Variants in MAP3K14 observed in about 807,000 individuals in gnomAD.
The protein encoded by MAP3K14 is NF-kappa-beta-inducing kinase.
Under a neutral mutation model 99.2 loss-of-function variants are expected in MAP3K14, and 16 were observed. The observed-to-expected ratio is 0.16, with a 90% CI of 0.11 to 0.24. MAP3K14 has a LOEUF of 0.24. Among genes scored for constraint, MAP3K14 ranks in the 10% least tolerant of loss-of-function variants. The probability of loss-of-function intolerance (pLI) is 1.00; values close to 1 mark genes in which losing one functional copy is unlikely to be tolerated. For synonymous variants in MAP3K14, 462 were observed against 492.4 expected (o/e 0.94, Z 0.82); for missense variants, 784 against 1,208.7 (o/e 0.65, Z 5.21).
At position 45,267,855 on chromosome 17, in the gene MAP3K14, G is replaced by A; in HGVS notation, c.1973-96C>T. On this transcript the variant is annotated intron_variant, in intron 11 of 15. Transcript: ENST00000344686. The surrounding 1 kb of genome is among the most constrained non-coding windows in gnomAD (Gnocchi z 5.1). Reference sequence around the variant, plus strand: ...CTCTCCTGAGTGCAGAAGGGCTAGAGGCAAACAAAGGGGAGGACACTGCCC... The same window carrying A: ...CTCTCCTGAGTGCAGAAGGGCTAGAAGCAAACAAAGGGGAGGACACTGCCC... The A allele has an allele frequency of 9.6e-7, 1 of 1,039,172 alleles. No individual in the cohort carries two copies. The highest frequency in any genetic ancestry group is 1.4e-6 in the Non-Finnish European group (1 of 699,218). The allele number at this position is 1,039,172 out of a possible 1,614,324, so 64.4% of individuals were successfully genotyped here.
intron 11 of MAP3K14, chr17:45,268,757 C>G (rs1316396817): frequency 6.6e-6 from 1 of 152,218 alleles, no homozygotes; most frequent in Non-Finnish European, 1.5e-5. Flanking sequence ...TACCCTACTC[C>G]CCTCCCACAA....
At chr17:45,316,500 T>G (rs2044534203) in intron 1 of MAP3K14, among the ~76,000 whole-genome samples, 1 of 152,314 alleles carries the variant, frequency 6.6e-6, no homozygotes, top group South Asian at 2.1e-4. Flanking sequence ...CCTTGAGGTG[T>G]GACCTGAGAA....
intron 1 of MAP3K14, among the ~76,000 whole-genome samples, chr17:45,300,508 C>T (rs994674753): frequency 6.6e-6 from 1 of 152,182 alleles, no homozygotes; most frequent in Non-Finnish European, 1.5e-5. Flanking sequence ...CTCTACAACC[C>T]CTTGGCTACT....
intron 1 of MAP3K14, among the ~76,000 whole-genome samples, chr17:45,291,983 T>TGAGA (rs1345262023): frequency 6.6e-6 from 1 of 152,266 alleles, no homozygotes; most frequent in African/African-American, 2.4e-5. Context: ...GAGGACTGAA[T>TGAGA]GAGATGGTGG....
intron 9 of MAP3K14, 62 bp from the exon 10 acceptor site, chr17:45,271,283 G>T: frequency 6.9e-7 from 1 of 1,449,912 alleles, no homozygotes; most frequent in Non-Finnish European, 9.4e-7. Context: ...CCTAGGCAAT[G>T]GCCACCCTGG....
intron 6 of MAP3K14, among the ~76,000 whole-genome samples, chr17:45,277,063 C>A (rs1009501092): frequency 2.1e-5 from 3 of 146,250 alleles, no homozygotes; most frequent in Non-Finnish European, 4.5e-5. Flanking sequence ...CTCCTGGCCT[C>A]ATGATCCGCC....
At chr17:45,310,776 G>A (rs1474135865) in intron 1 of MAP3K14, among the ~76,000 whole-genome samples, 1 of 152,166 alleles carries the variant, frequency 6.6e-6, no homozygotes, top group Non-Finnish European at 1.5e-5. Context: ...TGCCCTAAAG[G>A]TGTGGGCAAC....
chr17:45,312,648 C>T (rs1468478841), intron 1 of MAP3K14, among the ~76,000 whole-genome samples: 1 of 152,140 alleles, frequency 6.6e-6, no homozygotes, highest in Non-Finnish European at 1.5e-5. Flanking sequence ...CTCAAGTGAT[C>T]CTCCCGCCTC....
rs755266960 is a variant in MAP3K14 at position 45,287,073 on chromosome 17, C to T, written c.538-28G>A. The T allele has an allele frequency of 8.1e-6, 13 of 1,606,090 alleles. 1 individual carries two copies. In the Admixed American group the frequency reaches 1.9e-4, roughly 23 times the overall value. On this transcript the variant is annotated intron_variant, in intron 4 of 15. Transcript: ENST00000344686. ...GCGGGGGGAAACACAGCTATCAGCA[C>T]AGAGGGCCAGGGCCCAGGGACAGGC...
intron 6 of MAP3K14, among the ~76,000 whole-genome samples, chr17:45,278,243 A>G (rs1361874838): frequency 6.6e-6 from 1 of 152,128 alleles, no homozygotes; most frequent in East Asian, 1.9e-4. Flanking sequence ...CACCCAGACC[A>G]AAGAGGTGGG....
chr17:45,270,755 G>A (rs1172773245), intron 10 of MAP3K14, 192 bp from the exon 11 acceptor site: 2 of 888,460 alleles, frequency 2.3e-6, no homozygotes, highest in Admixed American at 5.9e-5. Flanking sequence ...AGTAAAACAG[G>A]CCAGAGCCAG....
chr17:45,265,230 T>C lies in MAP3K14; in HGVS notation c.2612A>G (p.Glu871Gly), dbSNP rs1270066299. The change falls in exon 15 of 16, where the codon GAA becomes GGA. Residue 871 changes from glutamate to glycine, a missense_variant. Around this residue, in one of 5 missense-constraint regions of MAP3K14, gnomAD observed 130 missense variants for 220.4 expected, o/e 0.59. Coordinates refer to ENST00000344686, the MANE Select transcript of MAP3K14 (RefSeq NM_003954.5). ...VKVQIQSLNG[E>G]HLHIREFHRV... ...GTGGAACTCCCGGATGTGCAGGTGT[T>C]CACCATTAAGAGACTGTATTTGGAC... 6.2e-7 allele frequency: 1 copy of C among 1,613,878 alleles called. No individual in the cohort carries two copies. The highest frequency in any genetic ancestry group is 8.5e-7 in the Non-Finnish European group (1 of 1,179,862).
At chr17:45,297,184 T>G (rs1412589598) in intron 1 of MAP3K14, among the ~76,000 whole-genome samples, 1 of 152,212 alleles carries the variant, frequency 6.6e-6, no homozygotes, top group African/African-American at 2.4e-5. Flanking sequence ...TGGCCCATTC[T>G]CTTAGGACCC....
chr17:45,306,895 A>T (rs549997116), intron 1 of MAP3K14, among the ~76,000 whole-genome samples: 8 of 152,246 alleles, frequency 5.3e-5, no homozygotes, highest in South Asian at 4.1e-4. Flanking sequence ...GTATTGAGAT[A>T]AAAACCTGTC....
In MAP3K14 at chr17:45,264,791, C is replaced by T; in HGVS notation, c.2689G>A (p.Ala897Thr). 6.2e-7 allele frequency: 1 copy of T among 1,613,092 alleles called. No homozygotes were observed. The highest frequency in any genetic ancestry group is 1.1e-5 in the South Asian group (1 of 90,918). The change falls in exon 16 of 16, where the codon GCA becomes ACA. Residue 897 changes from alanine (A) to threonine (T), a missense_variant. Ala to Thr is a moderately conservative substitution (Grantham distance 58, BLOSUM62 0). Coordinates refer to ENST00000344686, the MANE Select transcript of MAP3K14 (RefSeq NM_003954.5). ...ATGISSQIPAAAFSLVTKDGQ... is the reference protein window; with the variant it reads ...ATGISSQIPATAFSLVTKDGQ... The stretch of plus-strand genomic sequence containing the variant: ...TCTTTGGTGACCAAGCTGAAGGCTG[C>T]AGCTGGGATCTAAGGGTGGAGCAAA...
At chr17:45,296,163 A>G (rs767253104) in intron 1 of MAP3K14, among the ~76,000 whole-genome samples, 7 of 151,876 alleles carry the variant, frequency 4.6e-5, no homozygotes, top group Non-Finnish European at 1.0e-4. Flanking sequence ...TCTTCTCCCA[A>G]CTTCCTCTTT....
chr17:45,284,750 G>C, intron 6 of MAP3K14, 62 bp downstream of exon 6: 1 of 1,515,394 alleles, frequency 6.6e-7, no homozygotes. Flanking sequence ...AGAAAGCAGA[G>C]GGAACACACC....
intron 1 of MAP3K14, among the ~76,000 whole-genome samples, chr17:45,292,614 C>G (rs11574812): frequency 0.041 from 6,207 of 152,154 alleles, 199 homozygotes; most frequent in Middle Eastern, 0.065. Flanking sequence ...TAGGCAAAAG[C>G]CCTTCAAGGC....
At chr17:45,291,690 C>T (rs951702631) in intron 1 of MAP3K14, among the ~76,000 whole-genome samples, 1 of 152,244 alleles carries the variant, frequency 6.6e-6, no homozygotes, top group Non-Finnish European at 1.5e-5. Context: ...TGATTTGAGA[C>T]TGTTACCATT....
Sources: allele counts gnomAD v4.1 joint callset (sites outside exome capture counted in the v4.1 genomes callset), GRCh38; gene constraint gnomAD v4.1.1; regional missense constraint gnomAD v4.1.1; non-coding constraint Gnocchi (gnomAD v3.1); transcripts MANE v1.5; gene names NCBI Gene and HGNC (gene_info 2026-07-23, HGNC 2026-07-21).